DENND10: variants seen among roughly 807,000 people sequenced by gnomAD.
The protein encoded by DENND10 is DENN domain-containing protein 10.
DENND10 carries 24 observed loss-of-function variants against 43.6 expected under a neutral mutation model. The ratio of observed to expected loss-of-function variants is 0.55; its 90% confidence interval spans 0.40 to 0.77. The LOEUF is 0.77. Ranked by LOEUF, DENND10 falls within the 30% of genes least tolerant of loss-of-function variation. The pLI is 0.00. For synonymous variants in DENND10, 125 were observed against 157.6 expected, an observed-to-expected ratio of 0.79 and a Z score of 1.55; for missense variants, 303 against 429.9, an observed-to-expected ratio of 0.70 and a Z score of 2.61.
chr10:119,129,608 C>T lies in DENND10; in HGVS notation c.788C>T (p.Ala263Val), dbSNP rs1019263097. 6.2e-7 allele frequency: 1 copy of T among 1,608,626 alleles called. No individual in the cohort carries two copies. Among genetic ancestry groups the T allele is most frequent in the Non-Finnish European group, 8.5e-7 (1 of 1,175,034 alleles). ...CTGGCAGAGAGTGAGATTACCATTGCTCCCCTTGCAAAAGGTTTGTTCTCT... is the reference window on the plus strand; with the variant it reads ...CTGGCAGAGAGTGAGATTACCATTGTTCCCCTTGCAAAAGGTTTGTTCTCT... The part of the protein sequence containing the change: ...VNLAESEITI[A>V]PLAKEAMAMG... The change falls in exon 7 of 9, where the codon GCT becomes GTT. Residue 263 changes from alanine (A) to valine (V), a missense_variant. Ala to Val is a moderately conservative substitution (Grantham distance 64). Coordinates refer to ENST00000361432, the MANE Select transcript of DENND10 (RefSeq NM_207009.4).
At chr10:119,116,298 T>C (rs929449329) in intron 3 of DENND10, among the ~76,000 whole-genome samples, 9 of 152,204 alleles carry the variant, frequency 5.9e-5, no homozygotes, top group Non-Finnish European at 8.8e-5. Flanking sequence ...CTAATGTGCA[T>C]TTATCACCAG....
rs150238535 is a variant in DENND10 at position 119,107,717 on chromosome 10, A to T, written c.56-251A>T. On this transcript the variant is annotated intron_variant, in intron 1 of 8. Transcript: ENST00000361432. ...TCGTGCCCGGCCAAAACTCTACCAT[A>T]TCTCTAAGGCTGAATTTTCATTCAT... is the stretch of plus-strand genomic sequence containing the variant. Among the ~76,000 whole-genome samples, 916 of 152,160 alleles carry T rather than the reference A, an allele frequency of 6.0e-3. 9 individuals are homozygous for T. The highest frequency in any genetic ancestry group is 7.3e-3 in the Non-Finnish European group (498 of 67,990).
At chr10:119,110,050 C>T (rs111294757) in intron 2 of DENND10, among the ~76,000 whole-genome samples, 210 of 152,112 alleles carry the variant, frequency 1.4e-3, no homozygotes, top group African/African-American at 4.8e-3. Context: ...TGAGTTCAAG[C>T]GATCCTCCTG....
chr10:119,113,284 G>A (rs1006336497), intron 3 of DENND10, among the ~76,000 whole-genome samples: 4 of 151,330 alleles, frequency 2.6e-5, no homozygotes, highest in Non-Finnish European at 5.9e-5. Flanking sequence ...TGAACTCCTG[G>A]GCTGAAGCAG....
intron 6 of DENND10, 128 bp downstream of exon 6, chr10:119,123,697 C>A (rs1845696354): frequency 2.8e-6 from 2 of 704,086 alleles, no homozygotes; most frequent in African/African-American, 3.6e-5. Context: ...GCAACGTCCG[C>A]CTTCAATTCT....
intron 4 of DENND10, 39 bp downstream of exon 4, chr10:119,117,706 G>T: frequency 1.2e-6 from 2 of 1,604,572 alleles, no homozygotes; most frequent in Non-Finnish European, 1.7e-6. Flanking sequence ...GGTGGCTCAC[G>T]CCTGTAATCC....
rs1244517951 is a variant in DENND10, at chr10:119,129,389, A to G, written c.695-126A>G. ...AGTCTTACTAACTGCCACAGGGTACAGCTAATGTTCCCGAATGAATAAAGC... is the reference window on the plus strand; with the variant it reads ...AGTCTTACTAACTGCCACAGGGTACGGCTAATGTTCCCGAATGAATAAAGC... On this transcript the variant is annotated intron_variant, in intron 6 of 8. Transcript: ENST00000361432. 7.6e-6 allele frequency: 5 copies of G among 659,114 alleles called. 1 individual carries two copies. The highest frequency in any genetic ancestry group is 1.4e-5 in the Non-Finnish European group (5 of 362,428). 40.8% of individuals were successfully genotyped at this position (659,114 alleles called of 1,614,324 possible). A position where few individuals can be genotyped will look rare whatever the true frequency, so the allele number is the denominator to read the frequency against.
intron 5 of DENND10, among the ~76,000 whole-genome samples, chr10:119,122,381 T>G (rs1464485682): frequency 1.3e-5 from 2 of 152,204 alleles, no homozygotes; most frequent in Non-Finnish European, 2.9e-5. Flanking sequence ...TCGTAATATC[T>G]ACTTACAAGT....
At chr10:119,120,719 C>G (rs750453875) in intron 5 of DENND10, among the ~76,000 whole-genome samples, 1 of 152,114 alleles carries the variant, frequency 6.6e-6, no homozygotes, top group Non-Finnish European at 1.5e-5. Flanking sequence ...GTCACTGCCC[C>G]AACTACTCAA....
intron 1 of DENND10, among the ~76,000 whole-genome samples, chr10:119,105,878 C>A (rs941491222): frequency 6.6e-6 from 1 of 151,894 alleles, no homozygotes; most frequent in Non-Finnish European, 1.5e-5. Context: ...TGAGACCCCC[C>A]CCAACCCCGT....
chr10:119,115,225 C>T (rs1446605281), intron 3 of DENND10, among the ~76,000 whole-genome samples: 4 of 151,990 alleles, frequency 2.6e-5, no homozygotes, highest in Non-Finnish European at 5.9e-5. Context: ...CCACACAACT[C>T]CCGTGACCTC....
intron 1 of DENND10, among the ~76,000 whole-genome samples, chr10:119,106,920 C>T (rs1844722963): frequency 6.6e-6 from 1 of 152,022 alleles, no homozygotes; most frequent in African/African-American, 2.4e-5. Context: ...AGTGGTGGTG[C>T]ATGCCTGTAA....
intron 6 of DENND10, among the ~76,000 whole-genome samples, chr10:119,129,083 C>T (rs1845963821): frequency 6.6e-6 from 1 of 152,148 alleles, no homozygotes; most frequent in South Asian, 2.1e-4. Flanking sequence ...ACACCAATCC[C>T]AGAGATCTGC....
In DENND10 at chr10:119,135,791, T is replaced by TAAAAAAAAAAAAAAAAAAA. The variant is rs367836571; in HGVS notation, c.898-673_898-655dup. Among the ~76,000 whole-genome samples, 162 of 64,006 alleles carry TAAAAAAAAAAAAAAAAAAA rather than the reference T, an allele frequency of 2.5e-3. 8 individuals carry two copies. Among genetic ancestry groups the TAAAAAAAAAAAAAAAAAAA allele is most frequent in the South Asian group, 3.4e-3 (4 of 1,182 alleles). 42.0% of individuals were successfully genotyped at this position (64,006 alleles called of 152,430 possible). A position where few individuals can be genotyped will look rare whatever the true frequency, so the allele number is the denominator to read the frequency against. On this transcript the variant is annotated intron_variant, in intron 8 of 8. Coordinates refer to ENST00000361432, the MANE Select transcript of DENND10 (RefSeq NM_207009.4). Reference sequence around the variant, plus strand: ...TACACTCAGAAAATGACTAAAATTGTAAAAAAAAAAAAAAAAAAAAAAAAA... The same window carrying TAAAAAAAAAAAAAAAAAAA: ...TACACTCAGAAAATGACTAAAATTGTAAAAAAAAAAAAAAAAAAAAAAAAAAAAAAAAAAAAAAAAAAAA...
chr10:119,121,398 C>T (rs12355492), intron 5 of DENND10, among the ~76,000 whole-genome samples: 82,767 of 147,856 alleles, frequency 0.56, 23,508 homozygotes, highest in South Asian at 0.68. Flanking sequence ...CTCCTGCCTC[C>T]GTTGAGATGA....
At chr10:119,115,937 T>C (rs1241563631) in intron 3 of DENND10, among the ~76,000 whole-genome samples, 1 of 151,968 alleles carries the variant, frequency 6.6e-6, no homozygotes, top group Non-Finnish European at 1.5e-5. Context: ...CTAATTTTTA[T>C]ATTTTTAGTA....
chr10:119,131,777 A>G (rs1052477185), intron 7 of DENND10, among the ~76,000 whole-genome samples: 6 of 152,254 alleles, frequency 3.9e-5, no homozygotes, highest in African/African-American at 1.2e-4. Flanking sequence ...ATGGGGTCAG[A>G]TCTTTACGAA....
At chr10:119,128,021 A>T (rs1442241059) in intron 6 of DENND10, among the ~76,000 whole-genome samples, 1 of 152,142 alleles carries the variant, frequency 6.6e-6, no homozygotes, top group Non-Finnish European at 1.5e-5. Flanking sequence ...GCTATAAAGA[A>T]ATAACTGAAG....
In DENND10 at chr10:119,111,827, T is replaced by C. The variant is rs894221782; in HGVS notation, c.253-22T>C. The stretch of plus-strand genomic sequence containing the variant: ...TAAAGTGTATTTAAAAAGTGTATTT[T>C]TTTGTTGTTTCTTTTGAACAGGTGA... On this transcript the variant is annotated intron_variant, in intron 2 of 8. Transcript: ENST00000361432. 6 of 1,573,240 alleles carry C rather than the reference T, an allele frequency of 3.8e-6. No individual in the cohort carries two copies. The Middle Eastern group carries it at 5.0e-4, about 132-fold the overall frequency.
Sources: gnomAD v4.1 joint callset for allele counts (sites outside exome capture counted in the v4.1 genomes callset) on GRCh38, gnomAD v4.1.1 for gene constraint, MANE v1.5 for transcripts, NCBI Gene and HGNC (gene_info 2026-07-23, HGNC 2026-07-21) for gene names.